DMBX1: variants seen among roughly 807,000 people sequenced by gnomAD.
DMBX1 encodes the protein diencephalon/mesencephalon homeobox protein 1.
In DMBX1, 7 loss-of-function variants were observed where a neutral mutation model predicts 30.4. The observed-to-expected ratio is 0.23, with a 90% CI of 0.13 to 0.43. DMBX1 has a LOEUF of 0.43. Ranked by LOEUF, DMBX1 falls within the 20% of genes least tolerant of loss-of-function variation. The probability of loss-of-function intolerance (pLI) is 1.00; values close to 1 mark genes in which losing one functional copy is unlikely to be tolerated. For synonymous variants in DMBX1, 222 were observed against 214.2 expected (o/e 1.04, Z -0.32); for missense variants, 460 against 508.5 (o/e 0.90, Z 0.92).
At chr1:46,509,830 C>G (rs1456701054) in intron 3 of DMBX1, among the ~76,000 whole-genome samples, 2 of 152,146 alleles carry the variant, frequency 1.3e-5, no homozygotes, top group Admixed American at 6.5e-5. Flanking sequence ...TCCACTCTTA[C>G]CCCTTAGCCA....
intron 3 of DMBX1, among the ~76,000 whole-genome samples, chr1:46,509,622 G>A (rs12132747): frequency 0.2 from 29,647 of 152,034 alleles, 2,983 homozygotes; most frequent in South Asian, 0.26. Context: ...CACCTATCCT[G>A]GGTGGTTATC....
intron 2 of DMBX1, among the ~76,000 whole-genome samples, chr1:46,502,693 C>A (rs1387285114): frequency 6.6e-6 from 1 of 152,034 alleles, no homozygotes; most frequent in Non-Finnish European, 1.5e-5. Context: ...TTGAGACCAG[C>A]CTGGACAACA....
At chr1:46,508,513 C>T (rs1189536653) in intron 3 of DMBX1, among the ~76,000 whole-genome samples, 1 of 152,114 alleles carries the variant, frequency 6.6e-6, no homozygotes, top group Non-Finnish European at 1.5e-5. Context: ...AGTGTGGAGG[C>T]ATTAGTTTCT....
At position 46,511,266 on chromosome 1, in the gene DMBX1, G is replaced by A; in HGVS notation, c.665G>A (p.Arg222Lys). Reference protein sequence around the residue: ...GADSKGLGCKRGSPKADSPGS... With the variant: ...GADSKGLGCKKGSPKADSPGS... Reference sequence around the variant, plus strand: ...GACAGCAAGGGGCTGGGCTGCAAGAGGGGCAGCCCCAAGGCAGGTGAGGTC... The same window carrying A: ...GACAGCAAGGGGCTGGGCTGCAAGAAGGGCAGCCCCAAGGCAGGTGAGGTC... Residue 222 changes from arginine (R) to lysine (K), a missense_variant, in exon 5 of 6, where the codon AGG becomes AAG. Arg to Lys is a conservative substitution (Grantham distance 26). Around this residue, in one of 3 missense-constraint regions of DMBX1, gnomAD observed 334 missense variants for 345.1 expected, o/e 0.97. Coordinates refer to ENST00000360032, the MANE Select transcript of DMBX1 (RefSeq NM_172225.2). 6.3e-7 allele frequency: 1 copy of A among 1,595,466 alleles called. No individual in the cohort carries two copies. The highest frequency in any genetic ancestry group is 8.5e-7 in the Non-Finnish European group (1 of 1,171,652).
At chr1:46,489,928 C>A (rs1275170319) in intron 1 of DMBX1, among the ~76,000 whole-genome samples, 51 bp downstream of exon 1, 2 of 152,084 alleles carry the variant, frequency 1.3e-5, no homozygotes, top group African/African-American at 4.8e-5. Flanking sequence ...GCGGGACAGT[C>A]GCTGCAGGGA....
rs1340354211 is a variant in DMBX1, at chr1:46,513,599, T to C, written c.*1105T>C. The C allele has an allele frequency of 1.3e-5, 2 of 152,194 alleles. No individual in the cohort carries two copies. The highest frequency in any genetic ancestry group is 4.8e-5 in the African/African-American group (2 of 41,438). The allele number at this position is 152,194 out of a possible 1,614,324, so 9.4% of individuals were successfully genotyped here. On this transcript the variant is annotated 3_prime_UTR_variant, in exon 6 of 6. Transcript: ENST00000360032. ...GACCACAGGGCTCTAGAGCTCTCTTTGGTGAGACTTCCCTGGATGGAGAGC... is the reference window on the plus strand; with the variant it reads ...GACCACAGGGCTCTAGAGCTCTCTTCGGTGAGACTTCCCTGGATGGAGAGC...
At chr1:46,509,161 C>T (rs1041850425) in intron 3 of DMBX1, among the ~76,000 whole-genome samples, 5 of 152,056 alleles carry the variant, frequency 3.3e-5, no homozygotes, top group African/African-American at 1.2e-4. Context: ...CAACCTCCGC[C>T]TCCTGGGTTC....
At chr1:46,511,806 GAC>G (rs1329209386) in intron 5 of DMBX1, among the ~76,000 whole-genome samples, 1 of 152,172 alleles carries the variant, frequency 6.6e-6, no homozygotes, top group East Asian at 1.9e-4. Context: ...AAGAAAAAGA[GAC>G]AGACGTGGGG....
chr1:46,512,628 C>G lies in DMBX1; in HGVS notation c.*134C>G, dbSNP rs1291477002. 2.0e-6 allele frequency: 2 copies of G among 988,868 alleles called. No individual in the cohort carries two copies. The highest frequency in any genetic ancestry group is 2.9e-6 in the Non-Finnish European group (2 of 689,492). The allele number at this position is 988,868 out of a possible 1,614,324, so 61.3% of individuals were successfully genotyped here. On this transcript the variant is annotated 3_prime_UTR_variant, in exon 6 of 6. Transcript: ENST00000360032. This position sits in a 1 kb window ranked among gnomAD's most constrained non-coding sequence, Gnocchi z 4.8. Reference sequence around the variant, plus strand: ...GCCTGGGGTCCTGTTCCCTGCTCCGCTTCCCCATACCCCAGCCCGAGGTGA... The same window carrying G: ...GCCTGGGGTCCTGTTCCCTGCTCCGGTTCCCCATACCCCAGCCCGAGGTGA...
In DMBX1 at chr1:46,507,031, C is replaced by G. The variant is rs367639229; in HGVS notation, c.21C>G (p.Asn7Lys). 2 of 1,614,084 alleles carry G rather than the reference C, an allele frequency of 1.2e-6. No homozygotes were observed. The highest frequency in any genetic ancestry group is 2.2e-5 in the East Asian group (1 of 44,896). The change falls in exon 3 of 6, where the codon AAC becomes AAG. Residue 7 changes from asparagine to lysine, a missense_variant. Asn to Lys is a moderately conservative substitution (Grantham distance 94, BLOSUM62 0). Transcript: ENST00000360032. Reference sequence around the variant, plus strand: ...CCGCCATGCAGCACTACGGGGTGAACGGCTACTCACTGCACGCCATGAACT... The same window carrying G: ...CCGCCATGCAGCACTACGGGGTGAAGGGCTACTCACTGCACGCCATGAACT... MQHYGV[N>K]GYSLHAMNSL...
Position 46,510,396 on chromosome 1 carries a change from G to C in DMBX1, c.155-80G>C. 6.6e-7 allele frequency: 1 copy of C among 1,517,594 alleles called. No homozygotes were observed. Among genetic ancestry groups the C allele is most frequent in the Non-Finnish European group, 8.8e-7 (1 of 1,132,630 alleles). The allele number at this position is 1,517,594 out of a possible 1,614,324, so 94.0% of individuals were successfully genotyped here. ...CAGCCTGGGTGTCCACAGTGGGTCA[G>C]AGCAGGATAAGATTCAAAGCTATTT... On this transcript the variant is annotated intron_variant, in intron 3 of 5. Coordinates refer to ENST00000360032, the MANE Select transcript of DMBX1 (RefSeq NM_172225.2). This position sits in a 1 kb window ranked among gnomAD's most constrained non-coding sequence, Gnocchi z 4.1.
intron 2 of DMBX1, among the ~76,000 whole-genome samples, chr1:46,494,108 A>G (rs2148480952): frequency 6.6e-6 from 1 of 152,316 alleles, no homozygotes; most frequent in Middle Eastern, 3.4e-3. Context: ...TGCTAGCTGT[A>G]TCTCTGCCAG....
chr1:46,510,685 C>T lies in DMBX1; in HGVS notation c.333+31C>T. 1 of 1,600,516 alleles carries T rather than the reference C, an allele frequency of 6.2e-7. No individual in the cohort carries two copies. Among genetic ancestry groups the T allele is most frequent in the Non-Finnish European group, 8.5e-7 (1 of 1,172,674 alleles). ...GCCCAACTCTCCTAACTAGGCCTTG[C>T]AGACAAACACCAGCCCATCAGTCTG... On this transcript the variant is annotated intron_variant, in intron 4 of 5. Coordinates refer to ENST00000360032, the MANE Select transcript of DMBX1 (RefSeq NM_172225.2). This position sits in a 1 kb window ranked among gnomAD's most constrained non-coding sequence, Gnocchi z 4.1.
In DMBX1 at chr1:46,512,091, T is replaced by C. The variant is rs756080939; in HGVS notation, c.731T>C (p.Leu244Pro). Residue 244 changes from leucine to proline, a missense_variant, in exon 6 of 6, where the codon CTC becomes CCC. Transcript: ENST00000360032. This position sits in a 1 kb window ranked among gnomAD's most constrained non-coding sequence, Gnocchi z 4.8. Reference protein sequence around the residue: ...TITPVAPGGGLLGPSHSYSSS... With the variant: ...TITPVAPGGGPLGPSHSYSSS... ...ACTCCTGTGGCCCCAGGGGGTGGCC[T>C]CCTGGGCCCCTCCCACTCCTATTCC... 1 of 1,613,518 alleles carries C rather than the reference T, an allele frequency of 6.2e-7. No homozygotes were observed. The highest frequency in any genetic ancestry group is 1.7e-5 in the Admixed American group (1 of 60,008).
At chr1:46,494,068 G>T (rs1665982861) in intron 2 of DMBX1, among the ~76,000 whole-genome samples, 1 of 152,216 alleles carries the variant, frequency 6.6e-6, no homozygotes, top group Admixed American at 6.5e-5. Context: ...CTCCATCTCG[G>T]CTCCGCCCAA....
At chr1:46,499,273 G>A (rs887823651) in intron 2 of DMBX1, among the ~76,000 whole-genome samples, 7 of 152,162 alleles carry the variant, frequency 4.6e-5, no homozygotes, top group African/African-American at 1.7e-4. Context: ...TTGAGCTCAG[G>A]TGATCTGCCC....
At position 46,512,816 on chromosome 1, in the gene DMBX1, TC is replaced by T; in HGVS notation, c.*324del. 2.8e-6 allele frequency: 1 copy of T among 357,010 alleles called. No homozygotes were observed. Among genetic ancestry groups the T allele is most frequent in the Non-Finnish European group, 5.1e-6 (1 of 196,874 alleles). The allele number at this position is 357,010 out of a possible 1,614,324, so 22.1% of individuals were successfully genotyped here. A position where few individuals can be genotyped will look rare whatever the true frequency, so the allele number is the denominator to read the frequency against. Reference sequence around the variant, plus strand: ...TAGCACCTCCTCCCTTTTCTCCCTATCCTTCTGCCCCCTAGTAAGTCTACGT... The same window carrying T: ...TAGCACCTCCTCCCTTTTCTCCCTATCTTCTGCCCCCTAGTAAGTCTACGT... On this transcript the variant is annotated 3_prime_UTR_variant, in exon 6 of 6. Coordinates refer to ENST00000360032, the MANE Select transcript of DMBX1 (RefSeq NM_172225.2). The surrounding 1 kb of genome is among the most constrained non-coding windows in gnomAD (Gnocchi z 4.8).
chr1:46,513,653 A>T lies in DMBX1; in HGVS notation c.*1159A>T, dbSNP rs1666431823. ...AGCAGGGGAAGAGGTGCTCTCAGAG[A>T]CAGCAGGGCTGGTGCTCTTCTCCCA... On this transcript the variant is annotated 3_prime_UTR_variant, in exon 6 of 6. Transcript: ENST00000360032. The T allele has an allele frequency of 6.6e-6, 1 of 152,284 alleles. No homozygotes were observed. The highest frequency in any genetic ancestry group is 2.1e-4 in the South Asian group (1 of 4,822). The allele number at this position is 152,284 out of a possible 1,614,324, so 9.4% of individuals were successfully genotyped here.
chr1:46,490,811 G>A (rs1017604827), intron 2 of DMBX1, among the ~76,000 whole-genome samples, 28 bp downstream of exon 2: 6 of 152,242 alleles, frequency 3.9e-5, no homozygotes, highest in African/African-American at 1.4e-4. Flanking sequence ...AGTGGCCCTA[G>A]TTCCCTAGAA....
Sources: allele counts gnomAD v4.1 joint callset (sites outside exome capture counted in the v4.1 genomes callset), GRCh38; gene constraint gnomAD v4.1.1; regional missense constraint gnomAD v4.1.1; non-coding constraint Gnocchi (gnomAD v3.1); transcripts MANE v1.5; gene names NCBI Gene and HGNC (gene_info 2026-07-23, HGNC 2026-07-21).